Variants in NRXN3 observed in about 807,000 individuals in gnomAD.
NRXN3 encodes the protein neurexin 3, also known as neurexin III.
In NRXN3, 32 loss-of-function variants were observed where a neutral mutation model predicts 137.6. That is an observed-to-expected ratio of 0.23 (90% CI 0.18 to 0.31). The LOEUF (loss-of-function observed/expected upper bound fraction) is 0.31, where lower values mean the gene tolerates loss of function less well. Among genes scored for constraint, NRXN3 ranks in the 10% least tolerant of loss-of-function variants. The pLI is 1.00. For missense variants in NRXN3, 1,574 were observed against 2,062.5 expected (o/e 0.76, Z 4.59); for synonymous variants, 798 against 784.5 (o/e 1.02, Z -0.29).
intron 6 of NRXN3, among the ~76,000 whole-genome samples, chr14:78,674,440 C>T (rs1272948045): frequency 6.6e-6 from 1 of 152,178 alleles, no homozygotes; most frequent in African/African-American, 2.4e-5. Flanking sequence ...AGATCCTTGG[C>T]ATCTCAAGAA....
chr14:79,034,238 G>T (rs1056966750), intron 15 of NRXN3, among the ~76,000 whole-genome samples: 1 of 151,876 alleles, frequency 6.6e-6, no homozygotes, highest in Non-Finnish European at 1.5e-5. Context: ...CTGAGTAGAG[G>T]CCACTTCAAA....
At chr14:78,506,390 G>A (rs1410719610) in intron 4 of NRXN3, among the ~76,000 whole-genome samples, 1 of 152,156 alleles carries the variant, frequency 6.6e-6, no homozygotes, top group Non-Finnish European at 1.5e-5. Context: ...ACATGGGGGT[G>A]CAGATATCTC....
chr14:79,121,538 TTTTA>T (rs1442703235), intron 15 of NRXN3, among the ~76,000 whole-genome samples: 3 of 152,234 alleles, frequency 2.0e-5, no homozygotes, highest in Admixed American at 2.0e-4. Context: ...CATTTTCATT[TTTTA>T]TTTTTTATTA....
chr14:79,636,282 T>G (rs1180644241), intron 16 of NRXN3, among the ~76,000 whole-genome samples: 1 of 152,234 alleles, frequency 6.6e-6, no homozygotes, highest in African/African-American at 2.4e-5. Flanking sequence ...TTTCAGAATA[T>G]CAGTACGATG....
At chr14:78,473,261 G>A (rs775649443) in intron 4 of NRXN3, among the ~76,000 whole-genome samples, 24 of 151,934 alleles carry the variant, frequency 1.6e-4, no homozygotes, top group Non-Finnish European at 2.9e-5. Context: ...AATTAGCTGG[G>A]CGTGGTGGCG....
At chr14:79,191,184 G>A (rs1253528348) in intron 15 of NRXN3, among the ~76,000 whole-genome samples, 1 of 152,166 alleles carries the variant, frequency 6.6e-6, no homozygotes, top group Admixed American at 6.6e-5. Context: ...ATGAACTATA[G>A]ACAAGTCATC....
intron 4 of NRXN3, among the ~76,000 whole-genome samples, chr14:78,548,931 G>A (rs949708360): frequency 6.6e-6 from 1 of 152,152 alleles, no homozygotes; most frequent in African/African-American, 2.4e-5. Context: ...TGAAGGACCT[G>A]TTCTCTTCTC....
Position 79,091,886 on chromosome 14 carries a change from C to T in NRXN3, c.3262+103745C>T, listed in dbSNP as rs2049269434. ...TCCATGTTAATCTTTTCTAAAGTGT[C>T]CACTTTTGTTATGTTTATATTTTTG... is the stretch of plus-strand genomic sequence containing the variant. On this transcript the variant is annotated intron_variant, in intron 15 of 20. Coordinates refer to ENST00000335750, the MANE Select transcript of NRXN3 (RefSeq NM_001330195.2). Among the ~76,000 whole-genome samples the T allele has an allele frequency of 2.0e-5, 3 of 152,002 alleles. No individual in the cohort carries two copies. The South Asian group carries it at 6.2e-4, about 32-fold the overall frequency.
chr14:79,849,875 T>C (rs763531611), intron 20 of NRXN3, among the ~76,000 whole-genome samples: 18 of 152,166 alleles, frequency 1.2e-4, no homozygotes, highest in Non-Finnish European at 2.4e-4. Flanking sequence ...ACCCTCCATG[T>C]CTACAGAAGA....
In NRXN3 at chr14:78,436,456, AAAAT is replaced by A. The variant is rs1405001993; in HGVS notation, c.757+138599_757+138602del. On this transcript the variant is annotated intron_variant, in intron 4 of 20. Coordinates refer to ENST00000335750, the MANE Select transcript of NRXN3 (RefSeq NM_001330195.2). Reference sequence around the variant, plus strand: ...ATCAGGAAACTGAGGCACAAGGAGGAAAATAATCATGCCAAAGAACTATCAATGA... The same window carrying A: ...ATCAGGAAACTGAGGCACAAGGAGGAAATCATGCCAAAGAACTATCAATGA... 1.5e-4 allele frequency among the ~76,000 whole-genome samples: 23 copies of A among 152,316 alleles called. 2 individuals are homozygous for A. In the South Asian group the frequency reaches 3.9e-3, roughly 26 times the overall value.
chr14:79,819,547 C>A (rs1196859464), intron 20 of NRXN3, among the ~76,000 whole-genome samples: 3 of 128,022 alleles, frequency 2.3e-5, no homozygotes, highest in East Asian at 2.5e-4. Context: ...GGCAGTGGCA[C>A]AATCTCGGCT....
At chr14:78,382,350 T>C (rs2153632089) in intron 4 of NRXN3, among the ~76,000 whole-genome samples, 1 of 152,306 alleles carries the variant, frequency 6.6e-6, no homozygotes, top group South Asian at 2.1e-4. Context: ...CTATAATAGC[T>C]GTGGGACATG....
chr14:78,431,576 C>G (rs2093879883), intron 4 of NRXN3, among the ~76,000 whole-genome samples: 1 of 151,796 alleles, frequency 6.6e-6, no homozygotes, highest in Non-Finnish European at 1.5e-5. Flanking sequence ...CAAAGAAAGA[C>G]AAAGGGGAGG....
chr14:79,441,479 A>G (rs1472371563), intron 15 of NRXN3, among the ~76,000 whole-genome samples: 3 of 138,444 alleles, frequency 2.2e-5, no homozygotes. Flanking sequence ...TCCCGGGTTC[A>G]CGCCATTCTC....
chr14:79,327,794 T>C (rs1221095178), intron 15 of NRXN3, among the ~76,000 whole-genome samples: 2 of 152,222 alleles, frequency 1.3e-5, no homozygotes, highest in East Asian at 3.8e-4. Flanking sequence ...CTTTCTTTGG[T>C]CCATTGGTGT....
intron 8 of NRXN3, among the ~76,000 whole-genome samples, chr14:78,780,036 G>T (rs1386013143): frequency 1.3e-5 from 2 of 152,098 alleles, no homozygotes; most frequent in Non-Finnish European, 2.9e-5. Flanking sequence ...CAAGAGAAAA[G>T]ACTTGCCCAA....
chr14:78,727,367 A>G (rs932877814), intron 8 of NRXN3, among the ~76,000 whole-genome samples: 1 of 152,196 alleles, frequency 6.6e-6, no homozygotes, highest in African/African-American at 2.4e-5. Context: ...CATATGGACT[A>G]TGGGTTTGTG....
chr14:79,590,705 G>A (rs1236636650), intron 16 of NRXN3, among the ~76,000 whole-genome samples: 1 of 152,158 alleles, frequency 6.6e-6, no homozygotes, highest in Non-Finnish European at 1.5e-5. Context: ...CCCTGGTACA[G>A]GAGTGCATTT....
rs145146239 is a variant in NRXN3 at position 78,660,433 on chromosome 14, A to T, written c.1221+9107A>T. Among the ~76,000 whole-genome samples the T allele has an allele frequency of 1.2e-3, 177 of 151,778 alleles. 1 individual carries two copies. The East Asian group carries it at 0.026, about 22-fold the overall frequency. Reference sequence around the variant, plus strand: ...ATCAATTAGAGACTCCTAATTAGAGACTCCTATTCACCTGGTCATGGTTTC... The same window carrying T: ...ATCAATTAGAGACTCCTAATTAGAGTCTCCTATTCACCTGGTCATGGTTTC... On this transcript the variant is annotated intron_variant, in intron 6 of 20. Transcript: ENST00000335750.
Sources: allele counts gnomAD v4.1 joint callset (sites outside exome capture counted in the v4.1 genomes callset), GRCh38; gene constraint gnomAD v4.1.1; transcripts MANE v1.5; gene names NCBI Gene and HGNC (gene_info 2026-07-23, HGNC 2026-07-21).